Variants in ADAMTSL1 observed in about 807,000 individuals in gnomAD.
The protein encoded by ADAMTSL1 is ADAMTS-like protein 1.
A neutral mutation model predicts 201.8 loss-of-function variants in ADAMTSL1; 126 were observed. The observed-to-expected ratio is 0.62, with a 90% CI of 0.54 to 0.72. The LOEUF is 0.72. Ranked by LOEUF, ADAMTSL1 falls within the 30% of genes least tolerant of loss-of-function variation. The pLI is 0.00. For synonymous variants in ADAMTSL1, 1,121 were observed against 903.4 expected, an observed-to-expected ratio of 1.24 and a Z score of -4.32; for missense variants, 2,679 against 2,277.8, an observed-to-expected ratio of 1.18 and a Z score of -3.59.
chr9:18,900,472 G>T (rs922310433), intron 26 of ADAMTSL1, among the ~76,000 whole-genome samples: 3 of 149,522 alleles, frequency 2.0e-5, no homozygotes, highest in African/African-American at 7.3e-5. Context: ...AAAGATACAT[G>T]CATATGTATG....
chr9:18,687,658 A>T (rs985972706), intron 13 of ADAMTSL1, among the ~76,000 whole-genome samples: 4 of 152,262 alleles, frequency 2.6e-5, no homozygotes, highest in Non-Finnish European at 1.5e-5. Flanking sequence ...TCTTCAGCTT[A>T]TGAAGATAAC....
In ADAMTSL1 at chr9:18,868,325, T is replaced by C. The variant is rs550348739; in HGVS notation, c.4250-19506T>C. Among the ~76,000 whole-genome samples, 490 of 152,350 alleles carry C rather than the reference T, an allele frequency of 3.2e-3. 2 individuals are homozygous for C. The highest frequency in any genetic ancestry group is 0.011 in the African/African-American group (463 of 41,594). ...TTCCATCGACTGATTTTTGTCCTCA[T>C]TATGTATTACATTTTCCTCCTTGAC... is the stretch of plus-strand genomic sequence containing the variant. On this transcript the variant is annotated intron_variant, in intron 23 of 28. Coordinates refer to ENST00000380548, the MANE Select transcript of ADAMTSL1 (RefSeq NM_001040272.6).
chr9:18,780,454 G>C (rs1277831582), intron 19 of ADAMTSL1, among the ~76,000 whole-genome samples: 1 of 152,012 alleles, frequency 6.6e-6, no homozygotes, highest in Non-Finnish European at 1.5e-5. Flanking sequence ...GTTTGAGAAG[G>C]GCAAACTTAA....
chr9:18,288,218 T>C lies in ADAMTSL1; in HGVS notation c.207+124237T>C, dbSNP rs142202483. ...GTATAAACAGACCAACGAGAACGCA[T>C]ACACTGGAAATTAAGACAGTTATCC... On this transcript the variant is annotated intron_variant, in intron 2 of 29. Coordinates refer to the ADAMTSL1 transcript ENST00000680146. 8.5e-4 allele frequency among the ~76,000 whole-genome samples: 130 copies of C among 152,236 alleles called. 1 individual carries two copies. The highest frequency in any genetic ancestry group is 3.0e-3 in the African/African-American group (126 of 41,532).
At chr9:18,748,370 A>C (rs1819263774) in intron 15 of ADAMTSL1, among the ~76,000 whole-genome samples, 2 of 152,196 alleles carry the variant, frequency 1.3e-5, no homozygotes, top group African/African-American at 4.8e-5. Flanking sequence ...TTTGTACTTT[A>C]GAAAGATGTT....
intron 2 of ADAMTSL1, among the ~76,000 whole-genome samples, chr9:18,434,701 C>T (rs1159884165): frequency 1.3e-5 from 2 of 152,168 alleles, no homozygotes; most frequent in African/African-American, 2.4e-5. Context: ...ATGTCACTCC[C>T]ACCCTGAATT....
intron 15 of ADAMTSL1, among the ~76,000 whole-genome samples, chr9:18,734,693 G>A (rs1455456978): frequency 6.6e-6 from 1 of 152,174 alleles, no homozygotes; most frequent in Non-Finnish European, 1.5e-5. Context: ...GTTAGAGAAG[G>A]TGACCTTGAG....
chr9:17,933,143 C>G lies in ADAMTSL1; in HGVS notation c.87+26221C>G, dbSNP rs535466266. ...TTTCAGAAATCCAAAATAAAGGTTT[C>G]AGCAGATGCCATGCTCCCTACCGTG... On this transcript the variant is annotated intron_variant, in intron 1 of 29. Coordinates refer to the ADAMTSL1 transcript ENST00000680146. 4.6e-3 allele frequency among the ~76,000 whole-genome samples: 705 copies of G among 152,264 alleles called. 1 individual carries two copies. Among genetic ancestry groups the G allele is most frequent in the Middle Eastern group, 0.027 (8 of 294 alleles).
chr9:18,320,270 A>G (rs1834567139), intron 2 of ADAMTSL1, among the ~76,000 whole-genome samples: 1 of 152,224 alleles, frequency 6.6e-6, no homozygotes, highest in Non-Finnish European at 1.5e-5. Context: ...GAACTGTGAG[A>G]TGATAAATTT....
chr9:18,682,373 C>T (rs1443902351), intron 12 of ADAMTSL1, among the ~76,000 whole-genome samples: 9 of 152,084 alleles, frequency 5.9e-5, no homozygotes. Flanking sequence ...TCTCATACTT[C>T]AAACTGATGA....
At chr9:17,974,327 G>A (rs1351258203) in intron 1 of ADAMTSL1, among the ~76,000 whole-genome samples, 1 of 152,000 alleles carries the variant, frequency 6.6e-6, no homozygotes, top group Non-Finnish European at 1.5e-5. Flanking sequence ...CATATGACAT[G>A]ATTGTATATC....
At chr9:18,203,827 A>T (rs1829541810) in intron 2 of ADAMTSL1, among the ~76,000 whole-genome samples, 1 of 152,148 alleles carries the variant, frequency 6.6e-6, no homozygotes, top group Non-Finnish European at 1.5e-5. Flanking sequence ...TTCACACATA[A>T]ACACCGTCAG....
intron 1 of ADAMTSL1, among the ~76,000 whole-genome samples, chr9:17,924,133 G>A (rs973339852): frequency 3.3e-5 from 5 of 149,742 alleles, no homozygotes; most frequent in Non-Finnish European, 5.9e-5. Flanking sequence ...AATGATGCTG[G>A]CCTCATAAAA....
chr9:18,567,993 A>G (rs1822040584), intron 3 of ADAMTSL1, among the ~76,000 whole-genome samples: 1 of 152,190 alleles, frequency 6.6e-6, no homozygotes, highest in African/African-American at 2.4e-5. Context: ...CTATAACAAC[A>G]TGCTGTAATA....
intron 2 of ADAMTSL1, among the ~76,000 whole-genome samples, chr9:18,337,916 C>T (rs2132946143): frequency 6.6e-6 from 1 of 152,218 alleles, no homozygotes; most frequent in South Asian, 2.1e-4. Flanking sequence ...GAATTCTGGG[C>T]TCCACCTGGG....
chr9:18,547,633 T>TAAAAA (rs56789652), intron 3 of ADAMTSL1, among the ~76,000 whole-genome samples: 17 of 86,080 alleles, frequency 2.0e-4, no homozygotes, highest in East Asian at 3.7e-4. Context: ...TATATATATA[T>TAAAAA]AAAAAAAAAA....
chr9:18,673,580 C>T (rs1430547338), intron 9 of ADAMTSL1, among the ~76,000 whole-genome samples: 2 of 152,194 alleles, frequency 1.3e-5, no homozygotes, highest in African/African-American at 4.8e-5. Flanking sequence ...ATTTTGTACA[C>T]TCTCCCTTTT....
At chr9:18,801,172 C>T (rs1407384946) in intron 20 of ADAMTSL1, among the ~76,000 whole-genome samples, 1 of 152,076 alleles carries the variant, frequency 6.6e-6, no homozygotes, top group Non-Finnish European at 1.5e-5. Context: ...AATTCTAATT[C>T]CTTCTCATCT....
chr9:18,368,435 C>G (rs1836885187), intron 2 of ADAMTSL1, among the ~76,000 whole-genome samples: 3 of 152,158 alleles, frequency 2.0e-5, no homozygotes, highest in African/African-American at 7.2e-5. Flanking sequence ...AGAACTCATA[C>G]TTGTTGCATA....
Sources: allele counts gnomAD v4.1 joint callset (sites outside exome capture counted in the v4.1 genomes callset), GRCh38; gene constraint gnomAD v4.1.1; transcripts MANE v1.5; gene names NCBI Gene and HGNC (gene_info 2026-07-23, HGNC 2026-07-21).